The following AHI1 variants were observed in gnomAD, a reference collection of about 807,000 sequenced individuals.
AHI1 encodes the protein jouberin.
A neutral mutation model predicts 149.3 loss-of-function variants in AHI1; 123 were observed. The ratio of observed to expected loss-of-function variants is 0.82; its 90% CI spans 0.71 to 0.96. AHI1 has a LOEUF of 0.96. Ranked by LOEUF, AHI1 falls within the 40% of genes least tolerant of loss-of-function variation. AHI1 has a pLI of 0.00. For synonymous variants in AHI1, 475 were observed against 459.8 expected (o/e 1.03, Z -0.42); for missense variants, 1,439 against 1,422.7 (o/e 1.01, Z -0.18).
intron 27 of AHI1, among the ~76,000 whole-genome samples, chr6:135,293,366 A>G (rs1782597670): frequency 7.1e-6 from 1 of 140,382 alleles, no homozygotes; most frequent in Non-Finnish European, 1.5e-5. Flanking sequence ...ACATTGTATT[A>G]GAGGTTCTAC....
chr6:135,407,619 A>G (rs1448063190), intron 21 of AHI1, among the ~76,000 whole-genome samples: 1 of 152,246 alleles, frequency 6.6e-6, no homozygotes, highest in Non-Finnish European at 1.5e-5. Flanking sequence ...TTTAAAAAGA[A>G]ATGATATGCT....
intron 12 of AHI1, among the ~76,000 whole-genome samples, chr6:135,447,512 A>T (rs889052035): frequency 6.6e-6 from 1 of 152,110 alleles, no homozygotes; most frequent in Non-Finnish European, 1.5e-5. Flanking sequence ...ATATCACAAA[A>T]CTAGTATCAT....
chr6:135,453,707 G>A (rs1788486553), intron 10 of AHI1, among the ~76,000 whole-genome samples: 1 of 151,924 alleles, frequency 6.6e-6, no homozygotes, highest in Non-Finnish European at 1.5e-5. Context: ...TATAACCTAG[G>A]TACAAATATA....
intron 23 of AHI1, among the ~76,000 whole-genome samples, chr6:135,372,857 C>A (rs2128458031): frequency 6.6e-6 from 1 of 152,332 alleles, no homozygotes; most frequent in South Asian, 2.1e-4. Context: ...CCTTCAGACC[C>A]ATTTATGTGT....
At chr6:135,461,255 G>C (rs1227891104) in intron 8 of AHI1, among the ~76,000 whole-genome samples, 2 of 151,906 alleles carry the variant, frequency 1.3e-5, no homozygotes, top group Non-Finnish European at 2.9e-5. Context: ...AAAAAATGCA[G>C]ACAACTTGAA....
rs1026461962 is a variant in AHI1 at position 135,283,947 on chromosome 6, C to T, written c.*1698G>A. On this transcript the variant is annotated 3_prime_UTR_variant, in exon 29 of 29. Transcript: ENST00000265602. ...TTGTTGAAATTCTTGGTGATTCAAT[C>T]AGAAAATCAACACATATCTCAAAAT... is the stretch of plus-strand genomic sequence containing the variant. 2.0e-5 allele frequency: 3 copies of T among 152,178 alleles called. No individual in the cohort carries two copies. Among genetic ancestry groups the T allele is most frequent in the Admixed American group, 6.5e-5 (1 of 15,282 alleles). The allele number at this position is 152,178 out of a possible 1,614,324, so 9.4% of individuals were successfully genotyped here.
chr6:135,451,144 ACAC>A (rs1788030940), intron 11 of AHI1, among the ~76,000 whole-genome samples: 1 of 151,848 alleles, frequency 6.6e-6, no homozygotes, highest in South Asian at 2.1e-4. Context: ...TTACAGGTGC[ACAC>A]CACCACATCT....
chr6:135,423,438 A>G (rs1016851136), intron 20 of AHI1, among the ~76,000 whole-genome samples: 2 of 152,192 alleles, frequency 1.3e-5, no homozygotes, highest in African/African-American at 4.8e-5. Flanking sequence ...CAAATTTTAT[A>G]GGAAACTAAA....
intron 24 of AHI1, among the ~76,000 whole-genome samples, chr6:135,335,006 T>C (rs556005773): frequency 4.6e-5 from 7 of 152,360 alleles, no homozygotes; most frequent in East Asian, 1.9e-4. Context: ...TGGTCTACTT[T>C]ATAAGACATA....
intron 24 of AHI1, among the ~76,000 whole-genome samples, chr6:135,325,092 T>A (rs1439655986): frequency 6.6e-6 from 1 of 151,636 alleles, no homozygotes; most frequent in African/African-American, 2.4e-5. Context: ...ACTGGTGTGA[T>A]CTACACTCAC....
chr6:135,289,189 T>G (rs1782039311), intron 28 of AHI1, among the ~76,000 whole-genome samples: 1 of 151,262 alleles, frequency 6.6e-6, no homozygotes, highest in African/African-American at 2.5e-5. Context: ...CTTAGAGCTT[T>G]TTATTTGTTA....
At chr6:135,454,810 C>A (rs1220770239) in intron 10 of AHI1, among the ~76,000 whole-genome samples, 1 of 152,104 alleles carries the variant, frequency 6.6e-6, no homozygotes, top group Non-Finnish European at 1.5e-5. Context: ...CAAATTATAT[C>A]AATTTTTCAA....
Position 135,290,913 on chromosome 6 carries a change from A to AACACACACACACACAC in AHI1, c.3486-404_3486-389dup, listed in dbSNP as rs574033007. Among the ~76,000 whole-genome samples the AACACACACACACACAC allele has an allele frequency of 3.0e-3, 441 of 146,250 alleles. 2 individuals are homozygous for AACACACACACACACAC. The highest frequency in any genetic ancestry group is 9.0e-3 in the African/African-American group (355 of 39,614). ...ATCAACTTAGGTGGAAACACACACA[A>AACACACACACACACAC]ACACACACACACACACACACACACA... On this transcript the variant is annotated intron_variant, in intron 27 of 28. Transcript: ENST00000265602.
intron 26 of AHI1, 121 bp downstream of exon 26, chr6:135,318,398 C>A: frequency 1.4e-6 from 1 of 718,382 alleles, no homozygotes; most frequent in Admixed American, 2.5e-5. Context: ...ATGTTTGTAC[C>A]AAGACATAAA....
chr6:135,330,486 ATACT>A (rs1163153414), intron 24 of AHI1, among the ~76,000 whole-genome samples: 6 of 152,238 alleles, frequency 3.9e-5, no homozygotes, highest in African/African-American at 1.4e-4. Context: ...GTGCTACTAC[ATACT>A]TAATAGACTA....
chr6:135,372,030 C>A (rs1169392531), intron 23 of AHI1, among the ~76,000 whole-genome samples: 1 of 152,048 alleles, frequency 6.6e-6, no homozygotes, highest in African/African-American at 2.4e-5. Context: ...TCATAATAAC[C>A]CTAAAAAGGG....
Position 135,324,718 on chromosome 6 carries a change from A to C in AHI1, c.3166-1394T>G, listed in dbSNP as rs115287351. Among the ~76,000 whole-genome samples the C allele has an allele frequency of 7.9e-3, 1,199 of 151,714 alleles. 21 individuals are homozygous for C. Among genetic ancestry groups the C allele is most frequent in the African/African-American group, 0.028 (1,145 of 41,534 alleles). ...GAGGCTCATGGAGTAAGCAGGGCTC[A>C]GATCATGCATGTTGATAAAGTTCAG... On this transcript the variant is annotated intron_variant, in intron 24 of 28. Transcript: ENST00000265602.
intron 11 of AHI1, among the ~76,000 whole-genome samples, chr6:135,451,577 A>G (rs1788108085): frequency 6.6e-6 from 1 of 152,188 alleles, no homozygotes; most frequent in Non-Finnish European, 1.5e-5. Flanking sequence ...GAAGACGTGA[A>G]GCACATAGAA....
chr6:135,414,346 C>T (rs941829001), intron 20 of AHI1, among the ~76,000 whole-genome samples: 1 of 152,080 alleles, frequency 6.6e-6, no homozygotes, highest in Non-Finnish European at 1.5e-5. Flanking sequence ...TGTAAGACTT[C>T]TAGAAAAAAA....
Sources: gnomAD v4.1 joint callset for allele counts (sites outside exome capture counted in the v4.1 genomes callset) on GRCh38, gnomAD v4.1.1 for gene constraint, MANE v1.5 for transcripts, NCBI Gene and HGNC (gene_info 2026-07-23, HGNC 2026-07-21) for gene names.